The following ATP8B4 variants were observed in gnomAD, a reference collection of about 807,000 sequenced individuals.
ATP8B4 encodes probable phospholipid-transporting ATPase IM.
In ATP8B4, 133 loss-of-function variants were observed where a neutral mutation model predicts 145.6. The ratio of observed to expected loss-of-function variants is 0.91; its 90% CI spans 0.79 to 1.05. ATP8B4 has a LOEUF of 1.05. Ranked by LOEUF, ATP8B4 falls within the 50% of genes least tolerant of loss-of-function variation. The pLI is 0.00. For missense variants in ATP8B4, 1,458 were observed against 1,425.2 expected (o/e 1.02, Z -0.37); for synonymous variants, 507 against 492.9 (o/e 1.03, Z -0.38).
At chr15:50,100,692 G>A (rs2056298089) in intron 2 of ATP8B4, among the ~76,000 whole-genome samples, 1 of 152,164 alleles carries the variant, frequency 6.6e-6, no homozygotes, top group African/African-American at 2.4e-5. Context: ...CATCAGTCTT[G>A]CAGGTCATGG....
At chr15:50,032,352 A>G (rs2050513480) in intron 6 of ATP8B4, among the ~76,000 whole-genome samples, 2 of 152,206 alleles carry the variant, frequency 1.3e-5, no homozygotes, top group Admixed American at 6.5e-5. Flanking sequence ...TGTCCCTGCA[A>G]AGGATATGAA....
intron 7 of ATP8B4, among the ~76,000 whole-genome samples, chr15:50,006,940 C>T (rs2153566574): frequency 6.6e-6 from 1 of 152,206 alleles, no homozygotes; most frequent in South Asian, 2.1e-4. Context: ...GTTTTTCTAA[C>T]AAAATTTATT....
At chr15:49,948,883 T>A (rs2042816647) in intron 14 of ATP8B4, among the ~76,000 whole-genome samples, 1 of 152,224 alleles carries the variant, frequency 6.6e-6, no homozygotes, top group South Asian at 2.1e-4. Flanking sequence ...CATGTCTATG[T>A]CTTGAATGGT....
intron 16 of ATP8B4, among the ~76,000 whole-genome samples, chr15:49,929,149 G>A (rs2413979): frequency 5.9e-5 from 9 of 152,140 alleles, no homozygotes; most frequent in Admixed American, 3.9e-4. Flanking sequence ...GGAAAAAAGT[G>A]AGTGAGCTAT....
intron 20 of ATP8B4, among the ~76,000 whole-genome samples, chr15:49,902,753 C>T (rs2038178365): frequency 6.6e-6 from 1 of 152,164 alleles, no homozygotes. Context: ...TGAAAATGTA[C>T]AGTGCCAAAT....
intron 14 of ATP8B4, among the ~76,000 whole-genome samples, chr15:49,947,155 G>A (rs1305298688): frequency 6.6e-6 from 1 of 152,126 alleles, no homozygotes; most frequent in Admixed American, 6.5e-5. Context: ...TGATGAGGCC[G>A]GGTGCGGTGG....
chr15:50,177,978 C>A (rs2044788777), intron 1 of ATP8B4, among the ~76,000 whole-genome samples: 1 of 152,132 alleles, frequency 6.6e-6, no homozygotes, highest in Non-Finnish European at 1.5e-5. Flanking sequence ...CAATAGGAAG[C>A]CTTCTCTCAA....
chr15:49,907,927 TA>T (rs2038799113), intron 20 of ATP8B4: 2 of 392,664 alleles, frequency 5.1e-6, no homozygotes, highest in South Asian at 3.8e-5. Flanking sequence ...TTAAAGGGAA[TA>T]AAAATAAATC....
At chr15:49,917,939 A>G (rs577553873) in intron 19 of ATP8B4, among the ~76,000 whole-genome samples, 4 of 152,318 alleles carry the variant, frequency 2.6e-5, no homozygotes, top group Admixed American at 1.3e-4. Flanking sequence ...ACCTAGTAAC[A>G]CACCGGAGTG....
At chr15:49,866,325 T>C (rs370215242) in intron 26 of ATP8B4, 21 bp downstream of exon 26, 33 of 1,611,232 alleles carry the variant, frequency 2.0e-5, no homozygotes, top group Non-Finnish European at 2.6e-5. Context: ...TAGGTTCCAC[T>C]AGTCAACATG....
intron 26 of ATP8B4, among the ~76,000 whole-genome samples, chr15:49,863,823 AT>A (rs1191220750): frequency 6.6e-6 from 1 of 152,072 alleles, no homozygotes; most frequent in Non-Finnish European, 1.5e-5. Context: ...GAAAAAAAAA[AT>A]TTTCCTGAAA....
chr15:50,151,386 G>T (rs1358126406), intron 1 of ATP8B4, among the ~76,000 whole-genome samples: 1 of 152,118 alleles, frequency 6.6e-6, no homozygotes, highest in Non-Finnish European at 1.5e-5. Context: ...TAGTCTTAAG[G>T]TTCCTGGGCC....
At position 50,001,179 on chromosome 15, in the gene ATP8B4, C is replaced by G. The variant is rs186089246; in HGVS notation, c.506+974G>C. On this transcript the variant is annotated intron_variant, in intron 8 of 27. Transcript: ENST00000284509. ...GTTTTCAAGTCTATTTATTTCTGCT[C>G]TTATCTTATTATCTCCTTTCTTATG... Among the ~76,000 whole-genome samples, 17 of 151,746 alleles carry G rather than the reference C, an allele frequency of 1.1e-4. No individual in the cohort carries two copies. In the East Asian group the frequency reaches 3.3e-3, roughly 29 times the overall value.
At chr15:50,011,852 T>G (rs1455326432) in intron 6 of ATP8B4, among the ~76,000 whole-genome samples, 1 of 152,122 alleles carries the variant, frequency 6.6e-6, no homozygotes, top group East Asian at 1.9e-4. Context: ...TAGAGCAGGT[T>G]TGCCCAACAA....
chr15:50,010,450 A>T (rs2048646361), intron 7 of ATP8B4, among the ~76,000 whole-genome samples: 1 of 152,022 alleles, frequency 6.6e-6, no homozygotes, highest in Admixed American at 6.6e-5. Flanking sequence ...TTTTTTTTCA[A>T]ATATACTGTA....
intron 7 of ATP8B4, among the ~76,000 whole-genome samples, chr15:50,007,013 G>C (rs1052088421): frequency 6.6e-6 from 1 of 151,976 alleles, no homozygotes; most frequent in Admixed American, 6.6e-5. Context: ...ATTTTTCCTG[G>C]TCCTTCCAAA....
At chr15:50,040,995 T>G (rs764099981) in intron 5 of ATP8B4, among the ~76,000 whole-genome samples, 2 of 152,172 alleles carry the variant, frequency 1.3e-5, no homozygotes, top group African/African-American at 2.4e-5. Context: ...AAAGGAAAGA[T>G]TTGAGAAGTT....
intron 3 of ATP8B4, among the ~76,000 whole-genome samples, chr15:50,072,186 C>G (rs2053787173): frequency 6.6e-6 from 1 of 151,272 alleles, no homozygotes; most frequent in Non-Finnish European, 1.5e-5. Flanking sequence ...TAGTTGGTAC[C>G]TAATGGACAC....
In ATP8B4 at chr15:49,925,820, T is replaced by C. The variant is rs936983226; in HGVS notation, c.1643-2326A>G. 2.0e-5 allele frequency among the ~76,000 whole-genome samples: 3 copies of C among 152,194 alleles called. 1 individual carries two copies. Among genetic ancestry groups the C allele is most frequent in the Admixed American group, 6.5e-5 (1 of 15,278 alleles). On this transcript the variant is annotated intron_variant, in intron 16 of 27. Coordinates refer to ENST00000284509, the MANE Select transcript of ATP8B4 (RefSeq NM_024837.4). ...GCTTTAGCAGCAAGTTTTATATCTC[T>C]TTTCTTCCAAGCCTTCTGGTCGTTT...
Sources: gnomAD v4.1 joint callset for allele counts (sites outside exome capture counted in the v4.1 genomes callset) on GRCh38, gnomAD v4.1.1 for gene constraint, MANE v1.5 for transcripts, NCBI Gene and HGNC (gene_info 2026-07-23, HGNC 2026-07-21) for gene names.